HTR3B: variants seen among roughly 807,000 people sequenced by gnomAD.
The protein encoded by HTR3B is 5-hydroxytryptamine (serotonin) receptor 3B, ionotropic.
In HTR3B, 44 loss-of-function variants were observed where a neutral mutation model predicts 42.8. That is an observed-to-expected ratio of 1.03 (90% CI 0.81 to 1.32). HTR3B has a LOEUF of 1.32. HTR3B is among the 40% of genes most tolerant of loss of function. HTR3B has a pLI of 0.00. For missense variants in HTR3B, 527 were observed against 536.5 expected (o/e 0.98, Z 0.17); for synonymous variants, 203 against 209.0 (o/e 0.97, Z 0.25).
intron 6 of HTR3B, among the ~76,000 whole-genome samples, chr11:113,938,535 A>G (rs1200306468): frequency 6.6e-6 from 1 of 152,194 alleles, no homozygotes; most frequent in Non-Finnish European, 1.5e-5. Flanking sequence ...AAGGGCAGGG[A>G]ACTGTCTTAT....
intron 6 of HTR3B, among the ~76,000 whole-genome samples, chr11:113,941,602 G>A (rs1013986642): frequency 2.0e-5 from 3 of 152,096 alleles, no homozygotes; most frequent in African/African-American, 7.2e-5. Flanking sequence ...CTGTGCTCCT[G>A]GAGACTGAGC....
intron 6 of HTR3B, among the ~76,000 whole-genome samples, chr11:113,933,649 G>A (rs567544935): frequency 1.3e-5 from 2 of 152,174 alleles, no homozygotes; most frequent in East Asian, 1.9e-4. Context: ...ATTATGATGG[G>A]AACCCACACT....
intron 2 of HTR3B, among the ~76,000 whole-genome samples, chr11:113,915,194 G>A (rs4938055): frequency 6.8e-6 from 1 of 148,128 alleles, no homozygotes; most frequent in Non-Finnish European, 1.5e-5. Flanking sequence ...TAATTTTTTT[G>A]TTTGTTTGTT....
chr11:113,909,939 A>G (rs948533798), intron 2 of HTR3B, among the ~76,000 whole-genome samples: 7 of 142,026 alleles, frequency 4.9e-5, no homozygotes, highest in African/African-American at 7.9e-5. Context: ...AGCCATGATC[A>G]TGCCACTGCA....
At chr11:113,945,688 A>G (rs770180367) in intron 8 of HTR3B, among the ~76,000 whole-genome samples, 1 of 152,218 alleles carries the variant, frequency 6.6e-6, no homozygotes, top group Non-Finnish European at 1.5e-5. Flanking sequence ...CACCCTGCTT[A>G]CATAATAACA....
chr11:113,902,640 G>C (rs2137477176), upstream of HTR3B, among the ~76,000 whole-genome samples: 1 of 152,206 alleles, frequency 6.6e-6, no homozygotes, highest in East Asian at 1.9e-4. Flanking sequence ...TTACAAACAA[G>C]GACATTCTTT....
At chr11:113,904,199 A>C (rs1256260428), upstream of HTR3B, among the ~76,000 whole-genome samples, 1 of 152,174 alleles carries the variant, frequency 6.6e-6, no homozygotes, top group Non-Finnish European at 1.5e-5. Flanking sequence ...TGAAAAAAAA[A>C]CTTTTATTAA....
intron 7 of HTR3B, 99 bp downstream of exon 7, chr11:113,943,291 C>A: frequency 1.0e-6 from 1 of 995,834 alleles, no homozygotes; most frequent in Non-Finnish European, 1.5e-6. Flanking sequence ...AATATCAGCA[C>A]TTTGGGAGGC....
chr11:113,905,889 T>A (rs1949729941), intron 1 of HTR3B, among the ~76,000 whole-genome samples: 2 of 152,136 alleles, frequency 1.3e-5, no homozygotes, highest in African/African-American at 4.8e-5. Context: ...TAGCCACTTA[T>A]CATTAAAGTA....
intron 5 of HTR3B, 69 bp from the exon 6 acceptor site, chr11:113,932,867 G>A: frequency 1.3e-6 from 2 of 1,513,804 alleles, no homozygotes; most frequent in South Asian, 2.4e-5. Flanking sequence ...CGAATTGGGA[G>A]CTGGAAAAGT....
chr11:113,909,138 G>A (rs1465783292), intron 1 of HTR3B, 157 bp from the exon 2 acceptor site: 1 of 644,542 alleles, frequency 1.6e-6, no homozygotes, highest in African/African-American at 1.8e-5. Context: ...TTAAGCATTT[G>A]CCAAAGGCCC....
At chr11:113,940,512 A>C (rs1950126235) in intron 6 of HTR3B, among the ~76,000 whole-genome samples, 1 of 152,192 alleles carries the variant, frequency 6.6e-6, no homozygotes, top group African/African-American at 2.4e-5. Context: ...ATGACAGTTA[A>C]TTTTGTTGTT....
Position 113,942,975 on chromosome 11 carries a change from C to T in HTR3B, c.697-7C>T, listed in dbSNP as rs376413392. ...CTCTTTTCATCAGACCACTTGTTCC[C>T]GGCCAGGTGGTGATGCGCAGGCACC... On this transcript the variant is annotated splice_region_variant and splice_polypyrimidine_tract_variant and intron_variant, in intron 6 of 8. Coordinates refer to ENST00000260191, the MANE Select transcript of HTR3B (RefSeq NM_006028.5). 1.4e-5 allele frequency: 22 copies of T among 1,613,094 alleles called. No homozygotes were observed. The highest frequency in any genetic ancestry group is 2.2e-5 in the South Asian group (2 of 91,014).
chr11:113,934,206 G>A (rs1333143529), intron 6 of HTR3B, among the ~76,000 whole-genome samples: 1 of 152,130 alleles, frequency 6.6e-6, no homozygotes, highest in Non-Finnish European at 1.5e-5. Context: ...GGCCAACATG[G>A]CAAAACCCCA....
At chr11:113,911,389 TCTGA>T (rs940478228) in intron 2 of HTR3B, among the ~76,000 whole-genome samples, 2 of 143,660 alleles carry the variant, frequency 1.4e-5, no homozygotes, top group Non-Finnish European at 3.0e-5. Context: ...CGCCACCACA[TCTGA>T]CTAATTTTGT....
the HTR3B span, among the ~76,000 whole-genome samples, chr11:113,899,426 T>C: frequency 1.3e-5 from 2 of 152,172 alleles, no homozygotes; most frequent in African/African-American, 2.4e-5. Flanking sequence ...TCTGCTTTTT[T>C]CCTCCAGCCT....
intron 2 of HTR3B, among the ~76,000 whole-genome samples, chr11:113,918,251 TCCTG>T (rs1271976926): frequency 6.9e-6 from 1 of 144,298 alleles, no homozygotes; most frequent in African/African-American, 2.7e-5. Flanking sequence ...TTCAGATTTC[TCCTG>T]CTTGTGTGTA....
chr11:113,904,616 C>T (rs1012355380), upstream of HTR3B: 2 of 274,704 alleles, frequency 7.3e-6, no homozygotes, highest in Non-Finnish European at 1.4e-5. Context: ...TCCTTAGGGG[C>T]TCCTCTTAGA....
intron 2 of HTR3B, among the ~76,000 whole-genome samples, chr11:113,913,350 ATTTTTTTTTTTTTTT>A (rs71063533): frequency 5.7e-4 from 35 of 61,522 alleles, no homozygotes; most frequent in African/African-American, 1.9e-3. Flanking sequence ...TGTCTGGCTA[ATTTTTTTTTTTTTTT>A]TTTTTTTTTT....
Sources: gnomAD v4.1 joint callset for allele counts (sites outside exome capture counted in the v4.1 genomes callset) on GRCh38, gnomAD v4.1.1 for gene constraint, MANE v1.5 for transcripts, NCBI Gene and HGNC (gene_info 2026-07-23, HGNC 2026-07-21) for gene names.